The following ZNF154 variants were observed in gnomAD, a reference collection of about 807,000 sequenced individuals.
ZNF154 encodes zinc finger protein 154 (pHZ-92).
ZNF154 carries 6 observed loss-of-function variants against 7.5 expected under a neutral mutation model. That is an observed-to-expected ratio of 0.80 (90% CI 0.44 to 1.57). ZNF154 has a LOEUF of 1.57. ZNF154 is among the 40% of genes most tolerant of loss of function. The pLI is 0.01. For synonymous variants in ZNF154, 187 were observed against 185.9 expected (o/e 1.01, Z -0.05); for missense variants, 485 against 531.4 (o/e 0.91, Z 0.86).
At position 57,700,287 on chromosome 19, in the gene ZNF154, A is replaced by G. The variant is rs1371070393; in HGVS notation, c.*1348T>C. The G allele has an allele frequency of 3.9e-5, 6 of 152,212 alleles. No individual in the cohort carries two copies. Among genetic ancestry groups the G allele is most frequent in the East Asian group, 3.9e-4 (2 of 5,192 alleles). 9.4% of individuals were successfully genotyped at this position (152,212 alleles called of 1,614,324 possible). A position where few individuals can be genotyped will look rare whatever the true frequency, so the allele number is the denominator to read the frequency against. ...TCCTTGTTTTCCTGCCTGCATAGCAATGACCTTGAGGTGAAAATCCCAGAG... is the reference window on the plus strand; with the variant it reads ...TCCTTGTTTTCCTGCCTGCATAGCAGTGACCTTGAGGTGAAAATCCCAGAG... On this transcript the variant is annotated 3_prime_UTR_variant, in exon 3 of 3. Coordinates refer to ENST00000684351, the MANE Select transcript of ZNF154 (RefSeq NM_001085384.3).
intron 1 of ZNF154, among the ~76,000 whole-genome samples, chr19:57,705,594 A>C (rs753652803): frequency 8.6e-5 from 13 of 152,030 alleles, no homozygotes; most frequent in Non-Finnish European, 1.5e-4. Context: ...TCTCTACTAA[A>C]AATACAAAAA....
Position 57,699,937 on chromosome 19 carries a change from C to G in ZNF154, c.*1698G>C, listed in dbSNP as rs1985053223. 1 of 151,908 alleles carries G rather than the reference C, an allele frequency of 6.6e-6. No individual in the cohort carries two copies. Among genetic ancestry groups the G allele is most frequent in the Admixed American group, 6.6e-5 (1 of 15,224 alleles). 9.4% of individuals were successfully genotyped at this position (151,908 alleles called of 1,614,324 possible). A position where few individuals can be genotyped will look rare whatever the true frequency, so the allele number is the denominator to read the frequency against. On this transcript the variant is annotated 3_prime_UTR_variant, in exon 3 of 3. Coordinates refer to ENST00000684351, the MANE Select transcript of ZNF154 (RefSeq NM_001085384.3). ...GCAATGAGCTGAGATAGTGCCATTGCCCTCCAGACTGGGCAACAGAGCAAG... is the reference window on the plus strand; with the variant it reads ...GCAATGAGCTGAGATAGTGCCATTGGCCTCCAGACTGGGCAACAGAGCAAG...
chr19:57,701,794 A>G lies in ZNF154; in HGVS notation c.1155T>C (p.Tyr385=), dbSNP rs376109637. The G allele has an allele frequency of 6.2e-7, 1 of 1,614,014 alleles. No individual in the cohort carries two copies. Among genetic ancestry groups the G allele is most frequent in the African/African-American group, 1.3e-5 (1 of 74,906 alleles). The change falls in exon 3 of 3, where the codon TAT becomes TAC. Residue 385 remains tyrosine, a synonymous_variant. Coordinates refer to ENST00000684351, the MANE Select transcript of ZNF154 (RefSeq NM_001085384.3). The part of the protein sequence containing the change: ...HQRVHTGSRP[Y]ECSECGKSFT... ...AGGATTTCCCACATTCACTGCACTC[A>G]TAGGGTCTTGATCCAGTGTGAACTC...
rs200841377 is a variant in ZNF154 at position 57,701,833 on chromosome 19, G to A, written c.1116C>T (p.Leu372=). The A allele has an allele frequency of 1.6e-5, 26 of 1,614,104 alleles. No individual in the cohort carries two copies. The highest frequency in any genetic ancestry group is 2.1e-5 in the Non-Finnish European group (25 of 1,180,006). The part of the protein sequence containing the change: ...CGKFFPYSSS[L]RKHQRVHTGS... ...CAGTGTGAACTCTCTGGTGTTTTCGGAGACTGGAGCTGTAGGGAAAGAACT... is the reference window on the plus strand; with the variant it reads ...CAGTGTGAACTCTCTGGTGTTTTCGAAGACTGGAGCTGTAGGGAAAGAACT... The change falls in exon 3 of 3, where the codon CTC becomes CTT. Residue 372 remains leucine (L), a synonymous_variant. Transcript: ENST00000684351.
chr19:57,700,757 T>C lies in ZNF154; in HGVS notation c.*878A>G, dbSNP rs1479620949. ...GGATATAAATTAGGACAATACCCTGTAGTTTTTTCTCAGAGGCCTTGAATA... is the reference window on the plus strand; with the variant it reads ...GGATATAAATTAGGACAATACCCTGCAGTTTTTTCTCAGAGGCCTTGAATA... On this transcript the variant is annotated 3_prime_UTR_variant, in exon 3 of 3. Transcript: ENST00000684351. The C allele has an allele frequency of 6.6e-6, 1 of 152,228 alleles. No homozygotes were observed. Among genetic ancestry groups the C allele is most frequent in the Non-Finnish European group, 1.5e-5 (1 of 68,044 alleles). 9.4% of individuals were successfully genotyped at this position (152,228 alleles called of 1,614,324 possible). A position where few individuals can be genotyped will look rare whatever the true frequency, so the allele number is the denominator to read the frequency against.
Position 57,701,419 on chromosome 19 carries a change from G to C in ZNF154, c.*216C>G, listed in dbSNP as rs1985128677. 3.4e-6 allele frequency: 2 copies of C among 582,430 alleles called. No homozygotes were observed. The allele number at this position is 582,430 out of a possible 1,614,324, so 36.1% of individuals were successfully genotyped here. A position where few individuals can be genotyped will look rare whatever the true frequency, so the allele number is the denominator to read the frequency against. ...TTATGCAGATGTTCAGATATAGGATGTTCAATTCAGGCTGATGCCACCCTC... is the reference window on the plus strand; with the variant it reads ...TTATGCAGATGTTCAGATATAGGATCTTCAATTCAGGCTGATGCCACCCTC... On this transcript the variant is annotated 3_prime_UTR_variant, in exon 3 of 3. Coordinates refer to ENST00000684351, the MANE Select transcript of ZNF154 (RefSeq NM_001085384.3).
rs941791090 is a variant in ZNF154 at position 57,698,732 on chromosome 19, T to C, written c.*2903A>G. 1 of 152,242 alleles carries C rather than the reference T, an allele frequency of 6.6e-6. No individual in the cohort carries two copies. The highest frequency in any genetic ancestry group is 1.5e-5 in the Non-Finnish European group (1 of 68,042). The allele number at this position is 152,242 out of a possible 1,614,324, so 9.4% of individuals were successfully genotyped here. ...AGGCATTTCTCGCTTTATGTTTTTT[T>C]GCTGACTTACTACTTGCTGTTTATG... On this transcript the variant is annotated 3_prime_UTR_variant, in exon 3 of 3. Transcript: ENST00000684351.
At position 57,705,065 on chromosome 19, in the gene ZNF154, C is replaced by T. The variant is rs971295991; in HGVS notation, c.34-86G>A. Reference sequence around the variant, plus strand: ...TACCCCCACATCTTTACCCCATGCCCATTCTCTTCCCAAGCTCCCCAACTG... The same window carrying T: ...TACCCCCACATCTTTACCCCATGCCTATTCTCTTCCCAAGCTCCCCAACTG... On this transcript the variant is annotated intron_variant, in intron 1 of 2. Transcript: ENST00000684351. 5 of 1,499,506 alleles carry T rather than the reference C, an allele frequency of 3.3e-6. No individual in the cohort carries two copies. In the South Asian group the frequency reaches 4.1e-5, roughly 12 times the overall value. 92.9% of individuals were successfully genotyped at this position (1,499,506 alleles called of 1,614,324 possible).
rs1195203942 is a variant in ZNF154 at position 57,697,590 on chromosome 19, G to A, written c.*4045C>T. On this transcript the variant is annotated 3_prime_UTR_variant, in exon 3 of 3. Transcript: ENST00000684351. ...AATATTTACATTTTAAAATATATTT[G>A]TGTGATTTTTTGGGGGGTTATAAAA... 6.6e-6 allele frequency: 1 copy of A among 152,182 alleles called. No homozygotes were observed. Among genetic ancestry groups the A allele is most frequent in the East Asian group, 1.9e-4 (1 of 5,202 alleles). The allele number at this position is 152,182 out of a possible 1,614,324, so 9.4% of individuals were successfully genotyped here.
In ZNF154 at chr19:57,701,518, C is replaced by T. The variant is rs1444279366; in HGVS notation, c.*117G>A. 2.7e-6 allele frequency: 3 copies of T among 1,102,894 alleles called. No homozygotes were observed. The highest frequency in any genetic ancestry group is 3.8e-6 in the Non-Finnish European group (3 of 781,666). The allele number at this position is 1,102,894 out of a possible 1,614,324, so 68.3% of individuals were successfully genotyped here. A position where few individuals can be genotyped will look rare whatever the true frequency, so the allele number is the denominator to read the frequency against. ...ATCAAAAGTGTCTTTCCCTTGTGAA[C>T]TGTGTGGCACTCAATGAGATATGGC... On this transcript the variant is annotated 3_prime_UTR_variant, in exon 3 of 3. Coordinates refer to ENST00000684351, the MANE Select transcript of ZNF154 (RefSeq NM_001085384.3).
chr19:57,701,718 T>A lies in ZNF154; in HGVS notation c.1231A>T (p.Lys411Ter). The change falls in exon 3 of 3, where the codon AAG (lysine) becomes TAG (stop). Residue 411 changes from lysine to a stop codon, truncating the protein, a stop_gained. Coordinates refer to ENST00000684351, the MANE Select transcript of ZNF154 (RefSeq NM_001085384.3). LOFTEE classifies it low-confidence loss of function (END_TRUNC). ...CCACATTCCGTGCACTCATAAGGCT[T>A]CTCCCCAGTGTGAACCCTCCTGTGC... ...IKHRRVHTGE[K>*]PYECTECGKS... is the part of the protein sequence containing the mutation. 1 of 1,614,176 alleles carries A rather than the reference T, an allele frequency of 6.2e-7. No homozygotes were observed. Among genetic ancestry groups the A allele is most frequent in the East Asian group, 2.2e-5 (1 of 44,882 alleles).
chr19:57,699,900 G>C lies in ZNF154; in HGVS notation c.*1735C>G, dbSNP rs552685261. On this transcript the variant is annotated 3_prime_UTR_variant, in exon 3 of 3. Transcript: ENST00000684351. ...AGGCAGAAGAATCGCTTGAACCTGG[G>C]AGGCGGAGGTTGCAATGAGCTGAGA... The C allele has an allele frequency of 6.6e-6, 1 of 152,390 alleles. No homozygotes were observed. The highest frequency in any genetic ancestry group is 2.4e-5 in the African/African-American group (1 of 41,554). 9.4% of individuals were successfully genotyped at this position (152,390 alleles called of 1,614,324 possible). A position where few individuals can be genotyped will look rare whatever the true frequency, so the allele number is the denominator to read the frequency against.
Position 57,701,977 on chromosome 19 carries a change from A to G in ZNF154, c.972T>C (p.Thr324=), listed in dbSNP as rs780316805. 5.0e-6 allele frequency: 8 copies of G among 1,613,172 alleles called. No individual in the cohort carries two copies. In the African/African-American group the frequency reaches 1.1e-4, roughly 22 times the overall value. ...SSLIEHHRVH[T]GERPYKCSEC... ...CGCTGCACTTATAAGGCCTTTCTCC[A>G]GTGTGAACCCTATGGTGTTCAATGA... The change falls in exon 3 of 3, where the codon ACT becomes ACC. Residue 324 remains threonine (T), a synonymous_variant. Transcript: ENST00000684351.
At chr19:57,706,254 T>A (rs1040406428) in intron 1 of ZNF154, among the ~76,000 whole-genome samples, 1 of 152,198 alleles carries the variant, frequency 6.6e-6, no homozygotes, top group Non-Finnish European at 1.5e-5. Context: ...CCAAATCCTA[T>A]GAGGGCTCCC....
intron 1 of ZNF154, among the ~76,000 whole-genome samples, chr19:57,708,537 C>T (rs1985490026): frequency 6.6e-6 from 1 of 152,156 alleles, no homozygotes; most frequent in South Asian, 2.1e-4. Flanking sequence ...CGCGTCATTG[C>T]ACTCCAGCCT....
chr19:57,705,433 G>A (rs1985345883), intron 1 of ZNF154, among the ~76,000 whole-genome samples: 1 of 152,122 alleles, frequency 6.6e-6, no homozygotes, highest in Admixed American at 6.5e-5. Context: ...TTATGGATAT[G>A]GACAAACACA....
rs1984956074 is a variant in ZNF154, at chr19:57,697,806, A to G, written c.*3829T>C. 1 of 152,178 alleles carries G rather than the reference A, an allele frequency of 6.6e-6. No homozygotes were observed. Among genetic ancestry groups the G allele is most frequent in the African/African-American group, 2.4e-5 (1 of 41,450 alleles). The allele number at this position is 152,178 out of a possible 1,614,324, so 9.4% of individuals were successfully genotyped here. On this transcript the variant is annotated 3_prime_UTR_variant, in exon 3 of 3. Transcript: ENST00000684351. Reference sequence around the variant, plus strand: ...GGAGAAAGGTTCATCTGGCTTCATAACAGTCTTTTCCATCTTTTTTTGTAA... The same window carrying G: ...GGAGAAAGGTTCATCTGGCTTCATAGCAGTCTTTTCCATCTTTTTTTGTAA...
rs750996318 is a variant in ZNF154, at chr19:57,702,708, TG to T, written c.240del (p.Cys80Ter). Reference sequence around the variant, plus strand: ...GAAGGCTCCCCTGACACATGGAATGTGCAGGTCTTCACAAACAAGGCTCTGC... The same window carrying T: ...GAAGGCTCCCCTGACACATGGAATGTCAGGTCTTCACAAACAAGGCTCTGC... Reference protein sequence around the residue: ...NVGRALFVKTCTFHVSGEPST... With the variant: ...NVGRALFVKTXTFHVSGEPST... On this transcript the variant is annotated frameshift_variant, in exon 3 of 3. Transcript: ENST00000684351. LOFTEE classifies it low-confidence loss of function (END_TRUNC). 2 of 1,613,608 alleles carry T rather than the reference TG, an allele frequency of 1.2e-6. No homozygotes were observed. Among genetic ancestry groups the T allele is most frequent in the Non-Finnish European group, 1.7e-6 (2 of 1,179,682 alleles).
At chr19:57,704,715 C>A in intron 2 of ZNF154, 138 bp downstream of exon 2, 2 of 1,232,074 alleles carry the variant, frequency 1.6e-6, no homozygotes, top group Non-Finnish European at 2.2e-6. Context: ...CTTAGTCTTA[C>A]CAATGACAGA....
Sources: allele counts gnomAD v4.1 joint callset (sites outside exome capture counted in the v4.1 genomes callset), GRCh38; gene constraint gnomAD v4.1.1; transcripts MANE v1.5; gene names NCBI Gene and HGNC (gene_info 2026-07-23, HGNC 2026-07-21).